Variants in PADI6 observed in about 807,000 individuals in gnomAD.
PADI6 encodes the protein inactive protein-arginine deiminase type-6.
A neutral mutation model predicts 78.2 loss-of-function variants in PADI6; 66 were observed. That is an observed-to-expected ratio of 0.84 (90% CI 0.69 to 1.04). PADI6 has a LOEUF of 1.04. PADI6 is among the 50% of genes least tolerant of loss of function. PADI6 has a pLI of 0.00. For missense variants in PADI6, 854 were observed against 866.1 expected, an observed-to-expected ratio of 0.99 and a Z score of 0.18; for synonymous variants, 397 against 346.9, an observed-to-expected ratio of 1.14 and a Z score of -1.60.
chr1:17,393,566 A>T (rs1290101183), intron 9 of PADI6, among the ~76,000 whole-genome samples: 1 of 152,136 alleles, frequency 6.6e-6, no homozygotes, highest in Admixed American at 6.5e-5. Context: ...CAGTGGCGCG[A>T]TCTCAGCTCC....
chr1:17,373,862 G>A (rs775668008), intron 2 of PADI6, among the ~76,000 whole-genome samples: 5 of 152,152 alleles, frequency 3.3e-5, no homozygotes, highest in Non-Finnish European at 5.9e-5. Context: ...CCTACCTAGA[G>A]TGGGATAGAC....
intron 14 of PADI6, 51 bp downstream of exon 14, chr1:17,397,192 G>C: frequency 6.3e-7 from 1 of 1,596,488 alleles, no homozygotes; most frequent in Non-Finnish European, 8.6e-7. Context: ...GGTGCCGCAG[G>C]TCTTGCAGGA....
chr1:17,373,352 C>T, intron 2 of PADI6, 119 bp downstream of exon 2: 1 of 1,195,950 alleles, frequency 8.4e-7, no homozygotes, highest in Non-Finnish European at 1.2e-6. Context: ...TTTTGCACGT[C>T]TGATCTCATC....
chr1:17,392,861 AAGG>A (rs1392924477), intron 9 of PADI6, among the ~76,000 whole-genome samples: 6 of 152,172 alleles, frequency 3.9e-5, no homozygotes, highest in Non-Finnish European at 1.5e-5. Context: ...CCAGGATTAA[AAGG>A]AGTTCCTGGC....
intron 15 of PADI6, among the ~76,000 whole-genome samples, chr1:17,399,863 A>G (rs1464905753): frequency 1.3e-5 from 2 of 151,378 alleles, no homozygotes; most frequent in Non-Finnish European, 2.9e-5. Flanking sequence ...CATGGTTGAA[A>G]CTCTCTAGTA....
At chr1:17,394,600 G>A in intron 11 of PADI6, 146 bp downstream of exon 11, 1 of 875,084 alleles carries the variant, frequency 1.1e-6, no homozygotes, top group Non-Finnish European at 1.7e-6. Flanking sequence ...TGATTCACGT[G>A]GGAGACTAAA....
chr1:17,373,861 A>G (rs548564415), intron 2 of PADI6, among the ~76,000 whole-genome samples: 11 of 152,236 alleles, frequency 7.2e-5, no homozygotes, highest in Admixed American at 5.2e-4. Context: ...GCCTACCTAG[A>G]GTGGGATAGA....
At chr1:17,375,969 C>A (rs918218981) in intron 3 of PADI6, among the ~76,000 whole-genome samples, 9 of 150,070 alleles carry the variant, frequency 6.0e-5, no homozygotes, top group African/African-American at 2.3e-4. Context: ...AGCTCTATAA[C>A]ATCTACTTTT....
Position 17,401,459 on chromosome 1 carries a change from A to G in PADI6, c.*21A>G, listed in dbSNP as rs2075300834. The G allele has an allele frequency of 1.2e-6, 2 of 1,602,022 alleles. No individual in the cohort carries two copies. The highest frequency in any genetic ancestry group is 2.2e-5 in the East Asian group (1 of 44,714). On this transcript the variant is annotated 3_prime_UTR_variant, in exon 16 of 16. Transcript: ENST00000619609. ...CTTAGACCCAGGCCCTGGAGCTGCC[A>G]GCTCTGCCCCAGCGTGGATGGCCCA...
chr1:17,375,616 GC>G, intron 3 of PADI6, 117 bp downstream of exon 3: 1 of 881,270 alleles, frequency 1.1e-6, no homozygotes, highest in Non-Finnish European at 1.7e-6. Context: ...CCTCCTGTGG[GC>G]CCCAGGAACT....
intron 5 of PADI6, 141 bp from the exon 6 acceptor site, chr1:17,381,826 C>A: frequency 2.2e-6 from 2 of 925,470 alleles, no homozygotes; most frequent in South Asian, 2.9e-5. Flanking sequence ...AATGGTAATT[C>A]TTCGGGCCTG....
At chr1:17,382,761 T>A (rs2075085191) in intron 6 of PADI6, among the ~76,000 whole-genome samples, 1 of 152,236 alleles carries the variant, frequency 6.6e-6, no homozygotes, top group African/African-American at 2.4e-5. Flanking sequence ...TGGACGGACA[T>A]GCCAGCATGC....
rs777920296 is a variant in PADI6 at position 17,395,115 on chromosome 1, T to C, written c.1494+8T>C. The C allele has an allele frequency of 3.1e-6, 5 of 1,612,684 alleles. No individual in the cohort carries two copies. The Admixed American group carries it at 5.0e-5, about 16-fold the overall frequency. On this transcript the variant is annotated splice_region_variant and intron_variant, in intron 12 of 15. Coordinates refer to ENST00000619609, the MANE Select transcript of PADI6 (RefSeq NM_207421.4). ...AAGAATGAGGGCAAAAAGGTCTGCT[T>C]TGGGGTCTGGAGAAGGGACATCTGA...
At chr1:17,388,943 T>C in intron 8 of PADI6, 63 bp downstream of exon 8, 2 of 1,316,600 alleles carry the variant, frequency 1.5e-6, no homozygotes, top group South Asian at 1.3e-5. Flanking sequence ...CTTCTTTCTA[T>C]ATGCAGGGCA....
chr1:17,374,748 G>A (rs2074998989), intron 2 of PADI6, among the ~76,000 whole-genome samples: 1 of 152,220 alleles, frequency 6.6e-6, no homozygotes, highest in South Asian at 2.1e-4. Flanking sequence ...GGCCAACAAA[G>A]AACCTTGAAC....
At chr1:17,388,605 G>A (rs558646542) in intron 7 of PADI6, 46 bp downstream of exon 7, 38 of 1,529,674 alleles carry the variant, frequency 2.5e-5, no homozygotes, top group Non-Finnish European at 3.1e-5. Flanking sequence ...ATGCTCCGGT[G>A]GGGGAAAAGC....
intron 14 of PADI6, among the ~76,000 whole-genome samples, chr1:17,398,143 T>C (rs2075264189): frequency 6.6e-6 from 1 of 152,246 alleles, no homozygotes; most frequent in Non-Finnish European, 1.5e-5. Context: ...CACTGGGTCC[T>C]TAACATTCCC....
In PADI6 at chr1:17,383,254, A is replaced by G. The variant is rs537207281; in HGVS notation, c.679+1162A>G. Among the ~76,000 whole-genome samples the G allele has an allele frequency of 7.9e-5, 12 of 152,106 alleles. No individual in the cohort carries two copies. The South Asian group carries it at 2.3e-3, about 29-fold the overall frequency. ...CTCTGGGGCCTTGGCTCAGTCTCCT[A>G]CTCCATCTCTTCTGCAGACCATAGA... On this transcript the variant is annotated intron_variant, in intron 6 of 15. Transcript: ENST00000619609.
Position 17,381,240 on chromosome 1 carries a change from C to T in PADI6, c.553+76C>T, listed in dbSNP as rs2075069554. The T allele has an allele frequency of 6.4e-6, 8 of 1,257,860 alleles. No homozygotes were observed. The South Asian group carries it at 9.7e-5, about 15-fold the overall frequency. 77.9% of individuals were successfully genotyped at this position (1,257,860 alleles called of 1,614,324 possible). On this transcript the variant is annotated intron_variant, in intron 5 of 15. Coordinates refer to ENST00000619609, the MANE Select transcript of PADI6 (RefSeq NM_207421.4). ...TGCTTCTCAGCAAATGGATTCCAGA[C>T]TAATTTTCTCCACCCCACCCCCGAC...
Sources: gnomAD v4.1 joint callset for allele counts (sites outside exome capture counted in the v4.1 genomes callset) on GRCh38, gnomAD v4.1.1 for gene constraint, MANE v1.5 for transcripts, NCBI Gene and HGNC (gene_info 2026-07-23, HGNC 2026-07-21) for gene names.